Variants in CDC73 observed in about 807,000 individuals in gnomAD.
CDC73 encodes parafibromin.
CDC73 carries 21 observed loss-of-function variants against 83.7 expected under a neutral mutation model. The ratio of observed to expected loss-of-function variants is 0.25; its 90% CI spans 0.18 to 0.36. The LOEUF is 0.36. CDC73 is among the 10% of genes least tolerant of loss of function. The pLI is 1.00. For missense variants in CDC73, 342 were observed against 653.3 expected, an observed-to-expected ratio of 0.52 and a Z score of 5.19; for synonymous variants, 224 against 212.9, an observed-to-expected ratio of 1.05 and a Z score of -0.45.
At chr1:193,128,993 A>ATTTTT (rs756040512) in intron 2 of CDC73, among the ~76,000 whole-genome samples, 6 of 128,940 alleles carry the variant, frequency 4.7e-5, no homozygotes, top group Non-Finnish European at 8.2e-5. Flanking sequence ...CGCCCGGCTA[A>ATTTTT]TTTTTTTTTT....
intron 2 of CDC73, among the ~76,000 whole-genome samples, chr1:193,128,640 T>C (rs1335332695): frequency 5.3e-5 from 8 of 152,134 alleles, no homozygotes. Flanking sequence ...ACAAAAAAAC[T>C]CTGCACTCAA....
intron 10 of CDC73, among the ~76,000 whole-genome samples, chr1:193,172,818 G>T (rs1676540343): frequency 1.3e-5 from 2 of 152,094 alleles, no homozygotes; most frequent in Non-Finnish European, 2.9e-5. Flanking sequence ...TAAGATTATT[G>T]TTCCTAAACC....
chr1:193,148,427 C>T (rs931974616), intron 8 of CDC73, among the ~76,000 whole-genome samples: 10 of 152,110 alleles, frequency 6.6e-5, no homozygotes, highest in African/African-American at 2.4e-4. Context: ...TGAGAGTTGA[C>T]TGCCTTCTCT....
At position 193,238,646 on chromosome 1, in the gene CDC73, A is replaced by G. The variant is rs185249888; in HGVS notation, c.1417+2290A>G. Reference sequence around the variant, plus strand: ...ACTTATCCCAAACATACATACTAATAGCCTACTGTTGACTGGATGCCTTAA... The same window carrying G: ...ACTTATCCCAAACATACATACTAATGGCCTACTGTTGACTGGATGCCTTAA... On this transcript the variant is annotated intron_variant, in intron 15 of 16. Coordinates refer to ENST00000367435, the MANE Select transcript of CDC73 (RefSeq NM_024529.5). Among the ~76,000 whole-genome samples the G allele has an allele frequency of 8.5e-5, 13 of 152,334 alleles. No homozygotes were observed. In the East Asian group the frequency reaches 2.5e-3, roughly 29 times the overall value.
chr1:193,204,750 T>G (rs904461089), intron 11 of CDC73, among the ~76,000 whole-genome samples: 1 of 152,202 alleles, frequency 6.6e-6, no homozygotes, highest in African/African-American at 2.4e-5. Context: ...AGAAAATGTT[T>G]TCATTTTGGT....
At chr1:193,133,930 A>G (rs535131362) in intron 3 of CDC73, among the ~76,000 whole-genome samples, 133 of 151,972 alleles carry the variant, frequency 8.8e-4, no homozygotes, top group Non-Finnish European at 1.6e-3. Flanking sequence ...TTAACCTGAT[A>G]GAAAAAAATC....
chr1:193,177,358 CAAAAA>C (rs10672869), intron 10 of CDC73, among the ~76,000 whole-genome samples: 24 of 69,544 alleles, frequency 3.5e-4, no homozygotes, highest in East Asian at 4.9e-4. Context: ...ACTAAAAATA[CAAAAA>C]AAAAAAAAAA....
rs753979898 is a variant in CDC73, at chr1:193,125,231, AT to A, written c.237+18del. ...CGACGTGCAGCTGTAAGTAGAATTC[AT>A]TTTACTTATCTATCTATTTATCAGT... On this transcript the variant is annotated intron_variant, in intron 2 of 16. Coordinates refer to ENST00000367435, the MANE Select transcript of CDC73 (RefSeq NM_024529.5). The A allele has an allele frequency of 2.2e-6, 3 of 1,391,164 alleles. No individual in the cohort carries two copies. Among genetic ancestry groups the A allele is most frequent in the Non-Finnish European group, 3.1e-6 (3 of 977,626 alleles). 86.2% of individuals were successfully genotyped at this position (1,391,164 alleles called of 1,614,324 possible).
chr1:193,247,652 A>G (rs1007305393), intron 15 of CDC73, among the ~76,000 whole-genome samples: 1 of 152,098 alleles, frequency 6.6e-6, no homozygotes, highest in Non-Finnish European at 1.5e-5. Context: ...TAAAAGTGCT[A>G]CTCCAGTCGA....
At chr1:193,189,321 A>G (rs374216245) in intron 10 of CDC73, among the ~76,000 whole-genome samples, 1 of 152,178 alleles carries the variant, frequency 6.6e-6, no homozygotes, top group East Asian at 1.9e-4. Flanking sequence ...AACAGGGCAG[A>G]TGTGAGATAA....
At position 193,250,915 on chromosome 1, in the gene CDC73, A is replaced by T. The variant is rs550697956; in HGVS notation, c.*203A>T. ...TTTAATATTAGCCTTCTAGTCTGTAATGGAAATTGTATATTTTGATAGAAG... is the reference window on the plus strand; with the variant it reads ...TTTAATATTAGCCTTCTAGTCTGTATTGGAAATTGTATATTTTGATAGAAG... On this transcript the variant is annotated 3_prime_UTR_variant, in exon 17 of 17. Coordinates refer to ENST00000367435, the MANE Select transcript of CDC73 (RefSeq NM_024529.5). The T allele has an allele frequency of 1.1e-5, 6 of 559,944 alleles. 1 individual carries two copies. Among genetic ancestry groups the T allele is most frequent in the African/African-American group, 5.7e-5 (3 of 52,938 alleles). 34.7% of individuals were successfully genotyped at this position (559,944 alleles called of 1,614,324 possible).
At chr1:193,193,789 GT>G (rs1676958112) in intron 10 of CDC73, among the ~76,000 whole-genome samples, 1 of 119,314 alleles carries the variant, frequency 8.4e-6, no homozygotes, top group East Asian at 2.2e-4. Context: ...TAGTGTGTGT[GT>G]GTGTGTGTGT....
At chr1:193,188,694 T>A (rs1572186409) in intron 10 of CDC73, among the ~76,000 whole-genome samples, 1 of 152,130 alleles carries the variant, frequency 6.6e-6, no homozygotes, top group African/African-American at 2.4e-5. Flanking sequence ...TGGATTTTTT[T>A]AATGTCTCCC....
intron 13 of CDC73, among the ~76,000 whole-genome samples, chr1:193,224,038 A>G (rs1414727214): frequency 3.3e-5 from 5 of 152,018 alleles, no homozygotes; most frequent in South Asian, 2.1e-4. Flanking sequence ...ATTTTGAAAT[A>G]TACTGTAAAT....
At chr1:193,247,551 G>A (rs939521695) in intron 15 of CDC73, among the ~76,000 whole-genome samples, 2 of 152,072 alleles carry the variant, frequency 1.3e-5, no homozygotes, top group African/African-American at 4.8e-5. Context: ...TAGTAAGGAA[G>A]GCATGTCAAA....
intron 3 of CDC73, among the ~76,000 whole-genome samples, chr1:193,130,624 C>T (rs1158156225): frequency 6.6e-6 from 1 of 152,172 alleles, no homozygotes; most frequent in Admixed American, 6.5e-5. Flanking sequence ...CATTTATCTC[C>T]TCCCTGATAC....
chr1:193,195,898 G>T (rs1018753669), intron 10 of CDC73, among the ~76,000 whole-genome samples: 2 of 152,170 alleles, frequency 1.3e-5, no homozygotes, highest in African/African-American at 2.4e-5. Context: ...ATATAGTCTG[G>T]ATATTAATTT....
At chr1:193,236,424 C>G in intron 15 of CDC73, 68 bp downstream of exon 15, 1 of 999,400 alleles carries the variant, frequency 1.0e-6, no homozygotes, top group Non-Finnish European at 1.6e-6. Context: ...GAGAAACAGT[C>G]ATATAGTTCT....
chr1:193,226,535 C>G (rs759684992), intron 13 of CDC73, among the ~76,000 whole-genome samples: 3 of 152,122 alleles, frequency 2.0e-5, no homozygotes, highest in Non-Finnish European at 4.4e-5. Context: ...TAAAGGGATG[C>G]TAGATGTTGT....
Sources: allele counts gnomAD v4.1 joint callset (sites outside exome capture counted in the v4.1 genomes callset), GRCh38; gene constraint gnomAD v4.1.1; transcripts MANE v1.5; gene names NCBI Gene and HGNC (gene_info 2026-07-23, HGNC 2026-07-21).